The following CEP85L variants were observed in gnomAD, a reference collection of about 807,000 sequenced individuals.
The protein encoded by CEP85L is centrosomal protein of 85 kDa-like.
A neutral mutation model predicts 100.3 loss-of-function variants in CEP85L; 60 were observed. The ratio of observed to expected loss-of-function variants is 0.60; its 90% confidence interval spans 0.49 to 0.74. The LOEUF (loss-of-function observed/expected upper bound fraction) is 0.74. Among genes scored for constraint, CEP85L ranks in the 30% least tolerant of loss-of-function variants. The pLI, the probability that CEP85L is intolerant of heterozygous loss-of-function variation, is 0.00. For missense variants in CEP85L, 973 were observed against 936.2 expected, an observed-to-expected ratio of 1.04 and a Z score of -0.51; for synonymous variants, 319 against 322.7, an observed-to-expected ratio of 0.99 and a Z score of 0.12.
At chr6:118,621,909 T>C (rs541436181) in intron 2 of CEP85L, among the ~76,000 whole-genome samples, 2 of 152,248 alleles carry the variant, frequency 1.3e-5, no homozygotes, top group South Asian at 2.1e-4. Flanking sequence ...ACTCATCTAG[T>C]AGAATGGGAA....
At chr6:118,578,356 T>C (rs1014249565) in intron 2 of CEP85L, among the ~76,000 whole-genome samples, 2 of 152,218 alleles carry the variant, frequency 1.3e-5, no homozygotes, top group African/African-American at 2.4e-5. Context: ...GTTTAAGTCT[T>C]AGCCAATTGG....
chr6:118,645,355 A>T (rs1775113575), intron 1 of CEP85L, among the ~76,000 whole-genome samples: 1 of 152,144 alleles, frequency 6.6e-6, no homozygotes, highest in African/African-American at 2.4e-5. Context: ...CTATCTGTTT[A>T]CTTACTGATC....
intron 5 of CEP85L, among the ~76,000 whole-genome samples, chr6:118,499,916 T>A (rs1243748945): frequency 6.6e-6 from 1 of 151,770 alleles, no homozygotes; most frequent in Non-Finnish European, 1.5e-5. Context: ...ACATAAAAGG[T>A]ATACTGATTG....
At chr6:118,600,370 T>A (rs7774527) in intron 2 of CEP85L, among the ~76,000 whole-genome samples, 2 of 86,368 alleles carry the variant, frequency 2.3e-5, no homozygotes, top group African/African-American at 8.4e-5. Context: ...TGTGTGTGTG[T>A]AACGCCATGG....
At chr6:118,520,688 T>C (rs191201491) in intron 4 of CEP85L, among the ~76,000 whole-genome samples, 3 of 152,336 alleles carry the variant, frequency 2.0e-5, no homozygotes, top group Admixed American at 6.5e-5. Context: ...TATTCGCTAC[T>C]TCCCCCAGCC....
At chr6:118,508,891 G>T (rs536612743) in intron 5 of CEP85L, among the ~76,000 whole-genome samples, 1 of 151,826 alleles carries the variant, frequency 6.6e-6, no homozygotes, top group Non-Finnish European at 1.5e-5. Context: ...AAAATCCTTC[G>T]CTAAAGAAAT....
At chr6:118,592,509 C>G (rs1194249880) in intron 2 of CEP85L, among the ~76,000 whole-genome samples, 1 of 151,698 alleles carries the variant, frequency 6.6e-6, no homozygotes, top group East Asian at 1.9e-4. Context: ...ACTGTCATAT[C>G]TGGAAGTGAT....
At position 118,566,219 on chromosome 6, in the gene CEP85L, T is replaced by C. The variant is rs770140286; in HGVS notation, c.330A>G (p.Ser110=). 54 of 1,614,010 alleles carry C rather than the reference T, an allele frequency of 3.3e-5. No homozygotes were observed. The highest frequency in any genetic ancestry group is 4.2e-5 in the Non-Finnish European group (50 of 1,180,008). Residue 110 remains serine, a synonymous_variant, in exon 3 of 13, where the codon TCA becomes TCG. Transcript: ENST00000368491. Reference sequence around the variant, plus strand: ...TCAATGATTCCCTAAGTTTGGAAATTGAAGCGCTGGAATTAGACGGCATCA... The same window carrying C: ...TCAATGATTCCCTAAGTTTGGAAATCGAAGCGCTGGAATTAGACGGCATCA... The part of the protein sequence containing the change: ...AHVMPSNSSA[S]ISKLRESLTP...
At chr6:118,613,687 T>G (rs950464034) in intron 2 of CEP85L, among the ~76,000 whole-genome samples, 1 of 147,968 alleles carries the variant, frequency 6.8e-6, no homozygotes, top group African/African-American at 2.5e-5. Flanking sequence ...AACCCAGGAG[T>G]TGGAGGTTGT....
At chr6:118,476,391 A>G (rs996647938) in intron 10 of CEP85L, among the ~76,000 whole-genome samples, 16 of 152,178 alleles carry the variant, frequency 1.1e-4, no homozygotes, top group Non-Finnish European at 8.8e-5. Flanking sequence ...CACCATCATA[A>G]GCAATTTTAC....
At chr6:118,701,007 C>A (rs1336620671) in intron 1 of CEP85L, among the ~76,000 whole-genome samples, 1 of 152,142 alleles carries the variant, frequency 6.6e-6, no homozygotes, top group Non-Finnish European at 1.5e-5. Context: ...AGGGTGGCCA[C>A]CAGAGCATAA....
chr6:118,568,200 T>C (rs1779663248), intron 2 of CEP85L, among the ~76,000 whole-genome samples: 1 of 152,174 alleles, frequency 6.6e-6, no homozygotes, highest in Non-Finnish European at 1.5e-5. Flanking sequence ...AGAATCAAAA[T>C]TCCTATCCCA....
intron 1 of CEP85L, among the ~76,000 whole-genome samples, chr6:118,684,421 A>G (rs1215477796): frequency 1.3e-5 from 2 of 152,190 alleles, no homozygotes; most frequent in Non-Finnish European, 2.9e-5. Context: ...GGCTTGAGCA[A>G]TCCTCCTATA....
rs59278037 is a variant in CEP85L at position 118,600,300 on chromosome 6, GGTGTGTGTGTGT to G, written c.232+32141_232+32152del. Among the ~76,000 whole-genome samples, 391 of 52,230 alleles carry G rather than the reference GGTGTGTGTGTGT, an allele frequency of 7.5e-3. 68 individuals are homozygous for G. Among genetic ancestry groups the G allele is most frequent in the Non-Finnish European group, 0.011 (268 of 24,770 alleles). The allele number at this position is 52,230 out of a possible 152,430, so 34.3% of individuals were successfully genotyped here. Reference sequence around the variant, plus strand: ...CTGCCTGTCCCTGAGCCTTCCTGGGGGTGTGTGTGTGTGTGTGTGTGTGTGTGTGTGTGTGTG... The same window carrying G: ...CTGCCTGTCCCTGAGCCTTCCTGGGGGTGTGTGTGTGTGTGTGTGTGTGTG... On this transcript the variant is annotated intron_variant, in intron 2 of 12. Coordinates refer to ENST00000368491, the MANE Select transcript of CEP85L (RefSeq NM_001042475.3).
At chr6:118,641,881 T>C (rs576785148) in intron 1 of CEP85L, among the ~76,000 whole-genome samples, 4 of 152,302 alleles carry the variant, frequency 2.6e-5, no homozygotes, top group Non-Finnish European at 4.4e-5. Flanking sequence ...ACCTAGCATT[T>C]CTGTTTGAAA....
intron 2 of CEP85L, among the ~76,000 whole-genome samples, chr6:118,579,489 A>AT (rs1780443030): frequency 6.6e-6 from 1 of 152,336 alleles, no homozygotes; most frequent in South Asian, 2.1e-4. Context: ...TTTCAACTTA[A>AT]GATTAAGTCT....
intron 5 of CEP85L, among the ~76,000 whole-genome samples, chr6:118,499,784 T>C (rs971181173): frequency 5.3e-5 from 8 of 152,184 alleles, no homozygotes; most frequent in African/African-American, 1.7e-4. Flanking sequence ...ATTATATTTA[T>C]AGTGGTGAGA....
upstream of CEP85L, chr6:118,652,650 T>A: frequency 6.5e-7 from 1 of 1,528,598 alleles, no homozygotes; most frequent in Non-Finnish European, 8.8e-7. Context: ...AAATACTACT[T>A]AAAATTCTTG....
chr6:118,496,533 T>C (rs1774938825), intron 5 of CEP85L, among the ~76,000 whole-genome samples: 1 of 152,092 alleles, frequency 6.6e-6, no homozygotes, highest in Non-Finnish European at 1.5e-5. Context: ...TTTTGTACTT[T>C]TAGTGGAGAT....
Sources: allele counts gnomAD v4.1 joint callset (sites outside exome capture counted in the v4.1 genomes callset), GRCh38; gene constraint gnomAD v4.1.1; transcripts MANE v1.5; gene names NCBI Gene and HGNC (gene_info 2026-07-23, HGNC 2026-07-21).